The following CNTN5 variants were observed in gnomAD, a reference collection of about 807,000 sequenced individuals.
CNTN5 encodes contactin-5.
In CNTN5, 77 loss-of-function variants were observed where a neutral mutation model predicts 129.1. The observed-to-expected ratio is 0.60, with a 90% confidence interval of 0.50 to 0.72. The LOEUF (loss-of-function observed/expected upper bound fraction) is 0.72. Ranked by LOEUF, CNTN5 falls within the 30% of genes least tolerant of loss-of-function variation. The probability of loss-of-function intolerance (pLI) is 0.00; values close to 1 mark genes in which losing one functional copy is unlikely to be tolerated. For missense variants in CNTN5, 1,478 were observed against 1,328.8 expected, an observed-to-expected ratio of 1.11 and a Z score of -1.75; for synonymous variants, 509 against 465.6, an observed-to-expected ratio of 1.09 and a Z score of -1.20.
In CNTN5 at chr11:99,050,455, GA is replaced by G. The variant is rs1864381845; in HGVS notation, c.-210+29192del. On this transcript the variant is annotated intron_variant, in intron 1 of 24. Transcript: ENST00000524871. ...TAACTATTAATATTAGTATTTGTCAGAAAAAAATTCTCCAATATCAAAGTAA... is the reference window on the plus strand; with the variant it reads ...TAACTATTAATATTAGTATTTGTCAGAAAAAATTCTCCAATATCAAAGTAA... Among the ~76,000 whole-genome samples the G allele has an allele frequency of 2.6e-5, 4 of 151,036 alleles. No homozygotes were observed. In the East Asian group the frequency reaches 7.8e-4, roughly 29 times the overall value.
At chr11:99,042,170 CCTT>C (rs1302875754) in intron 1 of CNTN5, among the ~76,000 whole-genome samples, 1 of 151,846 alleles carries the variant, frequency 6.6e-6, no homozygotes, top group Non-Finnish European at 1.5e-5. Context: ...AGCATACCTC[CCTT>C]CTTTATTTTT....
At chr11:99,748,559 G>GAGTCCAA (rs1191100375) in intron 3 of CNTN5, among the ~76,000 whole-genome samples, 2 of 152,148 alleles carry the variant, frequency 1.3e-5, no homozygotes, top group African/African-American at 4.8e-5. Context: ...AATTAAATGA[G>GAGTCCAA]AGTCCAAAGG....
At chr11:99,086,325 C>T (rs1013913310) in intron 1 of CNTN5, among the ~76,000 whole-genome samples, 2 of 152,168 alleles carry the variant, frequency 1.3e-5, no homozygotes, top group African/African-American at 4.8e-5. Flanking sequence ...TCTTGCGTTG[C>T]TGTCAAGGAA....
chr11:100,241,159 G>T (rs1447859963), intron 16 of CNTN5, among the ~76,000 whole-genome samples: 1 of 152,128 alleles, frequency 6.6e-6, no homozygotes, highest in East Asian at 1.9e-4. Flanking sequence ...TAAATTTCAG[G>T]ATAGCATCTA....
intron 3 of CNTN5, among the ~76,000 whole-genome samples, chr11:99,680,907 A>G (rs1188777030): frequency 3.3e-5 from 5 of 151,988 alleles, no homozygotes; most frequent in Admixed American, 3.3e-4. Context: ...TCACCACTCT[A>G]GATGCCATTA....
At chr11:99,509,729 T>G (rs1318481626) in intron 2 of CNTN5, among the ~76,000 whole-genome samples, 2 of 152,110 alleles carry the variant, frequency 1.3e-5, no homozygotes, top group African/African-American at 2.4e-5. Flanking sequence ...ATAAAAAATA[T>G]TTTACTGAGA....
chr11:99,239,772 A>G (rs1461777152), intron 1 of CNTN5, among the ~76,000 whole-genome samples: 1 of 151,896 alleles, frequency 6.6e-6, no homozygotes, highest in African/African-American at 2.4e-5. Context: ...CGTCTCTACT[A>G]AAAATACAAA....
intron 3 of CNTN5, among the ~76,000 whole-genome samples, chr11:99,564,324 G>A (rs1948936586): frequency 6.6e-6 from 1 of 152,040 alleles, no homozygotes; most frequent in Non-Finnish European, 1.5e-5. Flanking sequence ...CTGGCCTCAA[G>A]CGATCCTCCT....
intron 21 of CNTN5, among the ~76,000 whole-genome samples, chr11:100,323,534 G>A (rs368501410): frequency 2.6e-5 from 4 of 151,932 alleles, no homozygotes; most frequent in Non-Finnish European, 4.4e-5. Flanking sequence ...CATTTGGGTC[G>A]GGGTTTGTAT....
intron 2 of CNTN5, among the ~76,000 whole-genome samples, chr11:99,356,451 C>G (rs1938677424): frequency 6.6e-6 from 1 of 152,220 alleles, no homozygotes; most frequent in Non-Finnish European, 1.5e-5. Flanking sequence ...ATTGCTCAGT[C>G]AATCTTATTA....
chr11:100,222,265 G>A (rs1256140962), intron 15 of CNTN5, among the ~76,000 whole-genome samples: 2 of 152,166 alleles, frequency 1.3e-5, no homozygotes, highest in East Asian at 1.9e-4. Flanking sequence ...AGATGGTGAT[G>A]TAACTTTGGC....
intron 3 of CNTN5, among the ~76,000 whole-genome samples, chr11:99,637,966 C>T: frequency 6.6e-6 from 1 of 152,082 alleles, no homozygotes; most frequent in Non-Finnish European, 1.5e-5. Flanking sequence ...GGTTTATAGT[C>T]ATGCATCTCA....
intron 9 of CNTN5, among the ~76,000 whole-genome samples, chr11:100,035,913 A>T (rs1476139178): frequency 6.6e-6 from 1 of 152,012 alleles, no homozygotes; most frequent in Non-Finnish European, 1.5e-5. Context: ...CCCATTCTGT[A>T]GTTTGCCTGT....
intron 6 of CNTN5, among the ~76,000 whole-genome samples, chr11:99,878,067 G>A (rs1948678757): frequency 6.6e-6 from 1 of 152,262 alleles, no homozygotes; most frequent in South Asian, 2.1e-4. Flanking sequence ...TAAATATGTA[G>A]CATACATTAT....
At chr11:99,482,966 G>A (rs1565220272) in intron 2 of CNTN5, among the ~76,000 whole-genome samples, 1 of 151,994 alleles carries the variant, frequency 6.6e-6, no homozygotes, top group Non-Finnish European at 1.5e-5. Context: ...ACTAGATCAA[G>A]AGACCGAGGC....
intron 6 of CNTN5, among the ~76,000 whole-genome samples, chr11:99,851,444 G>A (rs1213322693): frequency 6.6e-6 from 1 of 152,122 alleles, no homozygotes. Flanking sequence ...TTTCTCTTCA[G>A]TGACAAGCAA....
At chr11:100,056,263 G>A (rs1943217105) in intron 9 of CNTN5, among the ~76,000 whole-genome samples, 1 of 151,558 alleles carries the variant, frequency 6.6e-6, no homozygotes, top group Admixed American at 6.6e-5. Context: ...TTGTGATTCT[G>A]GGATAACTGA....
At chr11:100,024,666 G>C (rs1449677404) in intron 9 of CNTN5, among the ~76,000 whole-genome samples, 2 of 152,188 alleles carry the variant, frequency 1.3e-5, no homozygotes, top group Non-Finnish European at 2.9e-5. Context: ...TTGGTGACTG[G>C]AATAAAGGTG....
intron 17 of CNTN5, among the ~76,000 whole-genome samples, chr11:100,258,281 C>T (rs978309076): frequency 6.6e-6 from 1 of 151,992 alleles, no homozygotes; most frequent in Non-Finnish European, 1.5e-5. Context: ...GCAAATATGG[C>T]ACTATGTGAA....
Sources: allele counts gnomAD v4.1 joint callset (sites outside exome capture counted in the v4.1 genomes callset), GRCh38; gene constraint gnomAD v4.1.1; transcripts MANE v1.5; gene names NCBI Gene and HGNC (gene_info 2026-07-23, HGNC 2026-07-21).